RILPL1: variants seen among roughly 807,000 people sequenced by gnomAD.
RILPL1 encodes the protein Rab interacting lysosomal protein like 1.
In RILPL1, 33 loss-of-function variants were observed where a neutral mutation model predicts 50.3. The observed-to-expected ratio is 0.66, with a 90% CI of 0.50 to 0.88. The LOEUF (loss-of-function observed/expected upper bound fraction) is 0.88. Among genes scored for constraint, RILPL1 ranks in the 40% least tolerant of loss-of-function variants. RILPL1 has a pLI of 0.00. For synonymous variants in RILPL1, 205 were observed against 228.6 expected (o/e 0.90, Z 0.93); for missense variants, 418 against 542.5 (o/e 0.77, Z 2.28).
chr12:123,524,240 T>C (rs1885170540), intron 1 of RILPL1, among the ~76,000 whole-genome samples: 1 of 152,198 alleles, frequency 6.6e-6, no homozygotes, highest in Admixed American at 6.5e-5. Flanking sequence ...AATCAGTCTA[T>C]TAAAGTTATT....
In RILPL1 at chr12:123,472,665, C is replaced by T. The variant is rs752251539; in HGVS notation, c.1085G>A (p.Arg362Gln). 1.1e-5 allele frequency: 17 copies of T among 1,598,384 alleles called. No individual in the cohort carries two copies. The highest frequency in any genetic ancestry group is 8.0e-5 in the African/African-American group (6 of 74,672). The change falls in exon 7 of 7, where the codon CGA becomes CAA. Residue 362 changes from arginine to glutamine, a missense_variant. Arg to Gln is a conservative substitution (Grantham distance 43). Coordinates refer to ENST00000376874, the MANE Select transcript of RILPL1 (RefSeq NM_178314.5). The stretch of plus-strand genomic sequence containing the variant: ...TGTGTTGGCCAGGCGCTTCTTATCT[C>T]GGGAGAAGAAGCTAAACCTTTGGAA... ...GIKRLFSFFS[R>Q]DKKRLANTQR... is the part of the protein sequence containing the mutation.
At chr12:123,481,025 T>C (rs1387887994) in intron 6 of RILPL1, among the ~76,000 whole-genome samples, 1 of 152,102 alleles carries the variant, frequency 6.6e-6, no homozygotes. Flanking sequence ...ATGGAAATCT[T>C]GGGAACAGAG....
intron 2 of RILPL1, among the ~76,000 whole-genome samples, chr12:123,521,612 CATAT>C (rs1885031293): frequency 6.2e-5 from 3 of 48,528 alleles, no homozygotes; most frequent in African/African-American, 2.3e-4. Context: ...TATATACACA[CATAT>C]GTGTATATAT....
chr12:123,511,678 GGTGTGTGGTGTGT>G (rs1884237259), intron 2 of RILPL1, among the ~76,000 whole-genome samples: 1 of 122,940 alleles, frequency 8.1e-6, no homozygotes, highest in African/African-American at 3.1e-5. Context: ...CTGTGTGTGT[GGTGTGTGGTGTGT>G]GTGTGTGGTG....
chr12:123,524,980 A>C (rs1263178556), intron 1 of RILPL1, among the ~76,000 whole-genome samples: 2 of 152,022 alleles, frequency 1.3e-5, no homozygotes, highest in Admixed American at 1.3e-4. Flanking sequence ...AAAAATACAA[A>C]AATTAGCTGG....
In RILPL1 at chr12:123,471,089, T is replaced by C. The variant is rs996283331; in HGVS notation, c.*1449A>G. 6.6e-6 allele frequency: 1 copy of C among 150,946 alleles called. No individual in the cohort carries two copies. Among genetic ancestry groups the C allele is most frequent in the Admixed American group, 6.6e-5 (1 of 15,098 alleles). 9.4% of individuals were successfully genotyped at this position (150,946 alleles called of 1,614,324 possible). A position where few individuals can be genotyped will look rare whatever the true frequency, so the allele number is the denominator to read the frequency against. On this transcript the variant is annotated 3_prime_UTR_variant, in exon 7 of 7. Coordinates refer to ENST00000376874, the MANE Select transcript of RILPL1 (RefSeq NM_178314.5). ...CTTTCTTTCTTTTTTTTTTTTTTTT[T>C]AGATGAAGTCTCACTCTGTCGCCCA...
chr12:123,529,575 C>G (rs1258698505), intron 1 of RILPL1, among the ~76,000 whole-genome samples: 1 of 118,478 alleles, frequency 8.4e-6, no homozygotes, highest in African/African-American at 2.8e-5. Flanking sequence ...CTGTGCCCAG[C>G]CTGAATTTTT....
At chr12:123,511,966 GT>G (rs1884302915) in intron 2 of RILPL1, among the ~76,000 whole-genome samples, 1 of 108,900 alleles carries the variant, frequency 9.2e-6, no homozygotes, top group African/African-American at 5.9e-5. Flanking sequence ...TGTGAGATCT[GT>G]GTGTGTGTGA....
At chr12:123,472,926 G>T (rs1881303261) in intron 6 of RILPL1, 2 of 468,910 alleles carry the variant, frequency 4.3e-6, no homozygotes, top group South Asian at 2.5e-5. Flanking sequence ...ATGCTGATGT[G>T]ATGTGTGAGG....
chr12:123,473,569 G>A (rs1881363391), intron 6 of RILPL1: 1 of 151,956 alleles, frequency 6.6e-6, no homozygotes, highest in Non-Finnish European at 1.5e-5. Context: ...ATGGTTCTCT[G>A]ATATAAAATT....
At chr12:123,483,670 G>T (rs941103639) in intron 6 of RILPL1, among the ~76,000 whole-genome samples, 1 of 151,974 alleles carries the variant, frequency 6.6e-6, no homozygotes, top group South Asian at 2.1e-4. Flanking sequence ...TCTTTTTTGC[G>T]GGGTTCTCCT....
rs893555491 is a variant in RILPL1, at chr12:123,485,456, A to C, written c.974+177T>G. Among the ~76,000 whole-genome samples the C allele has an allele frequency of 1.3e-5, 2 of 152,212 alleles. No homozygotes were observed. The highest frequency in any genetic ancestry group is 1.5e-5 in the Non-Finnish European group (1 of 68,042). On this transcript the variant is annotated intron_variant, in intron 5 of 6. Transcript: ENST00000376874. The surrounding 1 kb of genome is among the most constrained non-coding windows in gnomAD (Gnocchi z 4.0). ...GAGCTCTGGTGCCCGGCCTGGGCCC[A>C]AGAGTTTCAGAAAGGGGTTGTGAGC...
chr12:123,498,554 T>TCCTCCCCATTCTGGCTGTGCTCCC lies in RILPL1; in HGVS notation c.767_790dup (p.Gly256_Glu263dup), dbSNP rs756212104. Reference sequence around the variant, plus strand: ...CAGCTTCCTGCTCACCTCAGGCTCCTCCTCCCCATTCTGGCTGTGCTCCCC... The same window carrying TCCTCCCCATTCTGGCTGTGCTCCC: ...CAGCTTCCTGCTCACCTCAGGCTCCTCCTCCCCATTCTGGCTGTGCTCCCCCTCCCCATTCTGGCTGTGCTCCCC... On this transcript the variant is annotated inframe_insertion, in exon 4 of 7. Coordinates refer to ENST00000376874, the MANE Select transcript of RILPL1 (RefSeq NM_178314.5). This position sits in a 1 kb window ranked among gnomAD's most constrained non-coding sequence, Gnocchi z 4.3. The TCCTCCCCATTCTGGCTGTGCTCCC allele has an allele frequency of 6.2e-7, 1 of 1,613,336 alleles. No homozygotes were observed. Among genetic ancestry groups the TCCTCCCCATTCTGGCTGTGCTCCC allele is most frequent in the Non-Finnish European group, 8.5e-7 (1 of 1,179,818 alleles).
chr12:123,481,139 C>G (rs1881965197), intron 6 of RILPL1, among the ~76,000 whole-genome samples: 1 of 152,042 alleles, frequency 6.6e-6, no homozygotes, highest in South Asian at 2.1e-4. Context: ...GGTGGATCAC[C>G]TGAAGTCAGG....
chr12:123,513,037 GGTGT>G (rs557131210), intron 2 of RILPL1, among the ~76,000 whole-genome samples: 23 of 137,906 alleles, frequency 1.7e-4, no homozygotes, highest in Admixed American at 2.9e-4. Flanking sequence ...AGGTCTGTGT[GGTGT>G]GTGAGGTTTG....
At chr12:123,521,621 A>G (rs1307728946) in intron 2 of RILPL1, among the ~76,000 whole-genome samples, 4 of 6,514 alleles carry the variant, frequency 6.1e-4, no homozygotes, top group Non-Finnish European at 1.6e-3. Context: ...ACATATGTGT[A>G]TATATATACA....
chr12:123,497,147 T>TC (rs1046898235), intron 4 of RILPL1, among the ~76,000 whole-genome samples: 34 of 152,298 alleles, frequency 2.2e-4, no homozygotes, highest in African/African-American at 8.2e-4. Flanking sequence ...CTGAATCATA[T>TC]CCCCCTGTAT....
intron 1 of RILPL1, among the ~76,000 whole-genome samples, chr12:123,527,091 G>A (rs1403288927): frequency 6.6e-6 from 1 of 152,194 alleles, no homozygotes; most frequent in Non-Finnish European, 1.5e-5. Context: ...TGTAATTTAG[G>A]AGGCTGAGGT....
chr12:123,518,226 G>A (rs1053387848), intron 2 of RILPL1, among the ~76,000 whole-genome samples: 5 of 152,076 alleles, frequency 3.3e-5, no homozygotes, highest in African/African-American at 9.7e-5. Context: ...AGACAGGGCC[G>A]GGTGCGGTTG....
Sources: gnomAD v4.1 joint callset for allele counts (sites outside exome capture counted in the v4.1 genomes callset) on GRCh38, gnomAD v4.1.1 for gene constraint, Gnocchi (gnomAD v3.1) non-coding constraint, MANE v1.5 for transcripts, NCBI Gene and HGNC (gene_info 2026-07-23, HGNC 2026-07-21) for gene names.